Variants in DCAF12 observed in about 807,000 individuals in gnomAD.
The protein encoded by DCAF12 is DDB1- and CUL4-associated factor 12.
In DCAF12, 28 loss-of-function variants were observed where a neutral mutation model predicts 52.8. The ratio of observed to expected loss-of-function variants is 0.53; its 90% CI spans 0.39 to 0.73. The LOEUF is 0.73. DCAF12 is among the 30% of genes least tolerant of loss of function. The probability of loss-of-function intolerance (pLI) is 0.00; values close to 1 mark genes in which losing one functional copy is unlikely to be tolerated. For synonymous variants in DCAF12, 196 were observed against 215.5 expected, an observed-to-expected ratio of 0.91 and a Z score of 0.79; for missense variants, 425 against 552.2, an observed-to-expected ratio of 0.77 and a Z score of 2.31.
At chr9:34,099,727 G>A (rs944374276) in intron 4 of DCAF12, among the ~76,000 whole-genome samples, 4 of 150,432 alleles carry the variant, frequency 2.7e-5, no homozygotes, top group Admixed American at 1.3e-4. Flanking sequence ...CCGAGCAGTT[G>A]GGACTACAGG....
At chr9:34,103,949 T>C (rs1828867771) in intron 4 of DCAF12, among the ~76,000 whole-genome samples, 1 of 152,146 alleles carries the variant, frequency 6.6e-6, no homozygotes, top group Non-Finnish European at 1.5e-5. Flanking sequence ...CTTCCCACAC[T>C]GCTAATCTCC....
intron 2 of DCAF12, among the ~76,000 whole-genome samples, chr9:34,118,369 A>G (rs1297714644): frequency 6.6e-6 from 1 of 152,126 alleles, no homozygotes; most frequent in African/African-American, 2.4e-5. Flanking sequence ...CCTGGCCTCA[A>G]GTGATCCACC....
At chr9:34,099,371 A>G (rs1015572805) in intron 4 of DCAF12, among the ~76,000 whole-genome samples, 1 of 150,390 alleles carries the variant, frequency 6.6e-6, no homozygotes, top group Non-Finnish European at 1.5e-5. Flanking sequence ...AGCTGGGACT[A>G]CAGGCGCGTG....
intron 8 of DCAF12, among the ~76,000 whole-genome samples, chr9:34,088,823 C>G (rs893235503): frequency 6.6e-6 from 1 of 152,100 alleles, no homozygotes; most frequent in Non-Finnish European, 1.5e-5. Flanking sequence ...GAATAATTCA[C>G]TGGAGGTGGG....
At chr9:34,107,695 AT>A (rs1828927116) in intron 2 of DCAF12, 130 bp from the exon 3 acceptor site, 1 of 739,650 alleles carries the variant, frequency 1.4e-6, no homozygotes, top group African/African-American at 1.8e-5. Flanking sequence ...CCTAGGAATT[AT>A]TAAAGGCATG....
At chr9:34,121,807 G>A (rs1240446663) in intron 2 of DCAF12, among the ~76,000 whole-genome samples, 1 of 152,132 alleles carries the variant, frequency 6.6e-6, no homozygotes, top group African/African-American at 2.4e-5. Context: ...GCTGGGTGTG[G>A]TGGCAGGTAC....
intron 2 of DCAF12, among the ~76,000 whole-genome samples, chr9:34,110,120 G>C (rs1311855817): frequency 1.3e-5 from 2 of 151,846 alleles, no homozygotes; most frequent in East Asian, 3.8e-4. Flanking sequence ...TGGGAGCAGG[G>C]GGAAGAAGGG....
At chr9:34,098,546 G>T in intron 4 of DCAF12, 29 bp from the exon 5 acceptor site, 3 of 1,599,760 alleles carry the variant, frequency 1.9e-6, no homozygotes, top group Non-Finnish European at 1.7e-6. Context: ...ACAGATGTCA[G>T]ATGTACCCAC....
rs571443789 is a variant in DCAF12, at chr9:34,098,445, T to C, written c.674A>G (p.Asn225Ser). The C allele has an allele frequency of 3.1e-5, 50 of 1,614,192 alleles. No homozygotes were observed. The Admixed American group carries it at 7.3e-4, about 24-fold the overall frequency. Reference protein sequence around the residue: ...DVLTKSDARHNVSRVPVYAHI... With the variant: ...DVLTKSDARHSVSRVPVYAHI... ...TGCATACACAGGGACCCGTGACACA[T>C]TGTGTCTCGCATCACTTTTGGTCAA... The change falls in exon 5 of 9, where the codon AAT (asparagine) becomes AGT (serine). Residue 225 changes from asparagine to serine, a missense_variant. Coordinates refer to ENST00000361264, the MANE Select transcript of DCAF12 (RefSeq NM_015397.4).
At chr9:34,116,987 A>G (rs1177478160) in intron 2 of DCAF12, among the ~76,000 whole-genome samples, 1 of 152,186 alleles carries the variant, frequency 6.6e-6, no homozygotes, top group Non-Finnish European at 1.5e-5. Flanking sequence ...TCAAAAATCA[A>G]TCATCAATCA....
At position 34,106,402 on chromosome 9, in the gene DCAF12, A is replaced by T. The variant is rs560691606; in HGVS notation, c.601+32T>A. The T allele has an allele frequency of 2.5e-5, 40 of 1,572,334 alleles. No individual in the cohort carries two copies. The African/African-American group carries it at 4.9e-4, about 19-fold the overall frequency. ...ATCTCTAGCCCCCAATCCCTGCCAC[A>T]TCAAAAGCTCCCTATAAAAGGGCAA... is the stretch of plus-strand genomic sequence containing the variant. On this transcript the variant is annotated intron_variant, in intron 4 of 8. Transcript: ENST00000361264.
At chr9:34,105,914 A>G (rs1299756543) in intron 4 of DCAF12, among the ~76,000 whole-genome samples, 2 of 151,610 alleles carry the variant, frequency 1.3e-5, no homozygotes, top group Admixed American at 6.6e-5. Context: ...ACACTCAGCT[A>G]ATTTTTTGTA....
intron 2 of DCAF12, among the ~76,000 whole-genome samples, chr9:34,118,888 C>G (rs1829127276): frequency 6.6e-6 from 1 of 152,140 alleles, no homozygotes; most frequent in African/African-American, 2.4e-5. Flanking sequence ...TCGCTTGAAC[C>G]TGGGAGGCGG....
At chr9:34,088,900 A>T (rs1184026762) in intron 8 of DCAF12, among the ~76,000 whole-genome samples, 1 of 152,074 alleles carries the variant, frequency 6.6e-6, no homozygotes, top group Non-Finnish European at 1.5e-5. Flanking sequence ...ACTTGAGCCC[A>T]GGAGTTTGAG....
chr9:34,116,974 G>C (rs190367782), intron 2 of DCAF12, among the ~76,000 whole-genome samples: 241 of 152,304 alleles, frequency 1.6e-3, no homozygotes, highest in African/African-American at 5.7e-3. Flanking sequence ...GCGAGACTCC[G>C]TCTCAAAAAT....
chr9:34,088,803 C>T (rs151125517), intron 8 of DCAF12, among the ~76,000 whole-genome samples: 1 of 152,088 alleles, frequency 6.6e-6, no homozygotes, highest in Non-Finnish European at 1.5e-5. Flanking sequence ...GGAGGAAGAA[C>T]CAAACACTTG....
intron 2 of DCAF12, among the ~76,000 whole-genome samples, chr9:34,108,326 C>G (rs4879743): frequency 6.6e-6 from 1 of 151,948 alleles, no homozygotes; most frequent in Non-Finnish European, 1.5e-5. Flanking sequence ...CAGCTATGAA[C>G]GAGAGAAATA....
rs933670634 is a variant in DCAF12, at chr9:34,098,520, G to A, written c.602-3C>T. On this transcript the variant is annotated splice_polypyrimidine_tract_variant and splice_region_variant and intron_variant, in intron 4 of 8. Transcript: ENST00000361264. Reference sequence around the variant, plus strand: ...TCCCATAGAACCATCACGTGAGCCTGCAGGGCCAGGAGAACACAGATGTCA... The same window carrying A: ...TCCCATAGAACCATCACGTGAGCCTACAGGGCCAGGAGAACACAGATGTCA... 6.2e-7 allele frequency: 1 copy of A among 1,611,366 alleles called. No homozygotes were observed. Among genetic ancestry groups the A allele is most frequent in the Non-Finnish European group, 8.5e-7 (1 of 1,178,608 alleles).
At chr9:34,102,828 C>T (rs1319380339) in intron 4 of DCAF12, among the ~76,000 whole-genome samples, 3 of 151,496 alleles carry the variant, frequency 2.0e-5, no homozygotes, top group Non-Finnish European at 4.4e-5. Flanking sequence ...GTAATCGCAA[C>T]ACTTTGGGAG....
Sources: gnomAD v4.1 joint callset for allele counts (sites outside exome capture counted in the v4.1 genomes callset) on GRCh38, gnomAD v4.1.1 for gene constraint, MANE v1.5 for transcripts, NCBI Gene and HGNC (gene_info 2026-07-23, HGNC 2026-07-21) for gene names.